The following PRDM16 variants were observed in gnomAD, a reference collection of about 807,000 sequenced individuals.
The protein encoded by PRDM16 is histone-lysine N-methyltransferase PRDM16.
In PRDM16, 23 loss-of-function variants were observed where a neutral mutation model predicts 110.6. The observed-to-expected ratio is 0.21, with a 90% CI of 0.15 to 0.29. The LOEUF (loss-of-function observed/expected upper bound fraction) is 0.29, where lower values mean the gene tolerates loss of function less well. PRDM16 is among the 10% of genes least tolerant of loss of function. PRDM16 has a pLI of 1.00. For synonymous variants in PRDM16, 799 were observed against 781.8 expected (o/e 1.02, Z -0.37); for missense variants, 1,615 against 1,794.3 (o/e 0.90, Z 1.81).
At chr1:3,202,744 G>A (rs1394058708) in intron 2 of PRDM16, among the ~76,000 whole-genome samples, 2 of 152,206 alleles carry the variant, frequency 1.3e-5, no homozygotes, top group Non-Finnish European at 2.9e-5. Flanking sequence ...TGGCACCACA[G>A]AAAGAGGAGG....
At chr1:3,312,338 C>G (rs1641481416) in intron 3 of PRDM16, among the ~76,000 whole-genome samples, 1 of 152,220 alleles carries the variant, frequency 6.6e-6, no homozygotes, top group Non-Finnish European at 1.5e-5. Context: ...GCAGCAGCCT[C>G]TCACTGGGCC....
intron 1 of PRDM16, among the ~76,000 whole-genome samples, chr1:3,146,095 C>T (rs1393775349): frequency 6.6e-6 from 1 of 152,210 alleles, no homozygotes; most frequent in Non-Finnish European, 1.5e-5. Flanking sequence ...TAGACACACC[C>T]CCACACACAG....
intron 3 of PRDM16, among the ~76,000 whole-genome samples, chr1:3,292,141 A>G (rs1224848727): frequency 1.3e-5 from 2 of 152,260 alleles, no homozygotes; most frequent in African/African-American, 4.8e-5. Flanking sequence ...GGTTGCACTG[A>G]CAACCTTGGG....
At chr1:3,267,013 T>C (rs2100270982) in intron 3 of PRDM16, among the ~76,000 whole-genome samples, 1 of 152,342 alleles carries the variant, frequency 6.6e-6, no homozygotes, top group Middle Eastern at 3.4e-3. Context: ...TTCTTTCTTT[T>C]CTTAAACCAG....
At chr1:3,394,343 C>T (rs1431780449) in intron 4 of PRDM16, 1 of 374,164 alleles carries the variant, frequency 2.7e-6, no homozygotes, top group South Asian at 1.8e-5. Flanking sequence ...CGGAGGGGGC[C>T]AGGCGGAGGA....
rs1455119284 is a variant in PRDM16, at chr1:3,326,412, G to T, written c.439-58740G>T. Among the ~76,000 whole-genome samples the T allele has an allele frequency of 9.8e-5, 15 of 152,326 alleles. 1 individual carries two copies. The highest frequency in any genetic ancestry group is 2.9e-4 in the African/African-American group (12 of 41,572). On this transcript the variant is annotated intron_variant, in intron 3 of 16. Transcript: ENST00000270722. ...AGATCACCTTTTAGGTTCTGTGAGG[G>T]CATGAATTTTAGGAGGAGCATGATT...
At chr1:3,103,125 G>T (rs932334852) in intron 1 of PRDM16, among the ~76,000 whole-genome samples, 69 of 152,314 alleles carry the variant, frequency 4.5e-4, no homozygotes, top group African/African-American at 1.6e-3. Flanking sequence ...GAGATGGGCA[G>T]CTCCATCTCC....
chr1:3,140,115 C>T (rs551579132), intron 1 of PRDM16, among the ~76,000 whole-genome samples: 2 of 152,370 alleles, frequency 1.3e-5, no homozygotes, highest in South Asian at 2.1e-4. Flanking sequence ...CTTTGGGAAG[C>T]GATCATTTCT....
intron 1 of PRDM16, among the ~76,000 whole-genome samples, chr1:3,182,082 C>A (rs1644217111): frequency 6.6e-6 from 1 of 152,258 alleles, no homozygotes; most frequent in African/African-American, 2.4e-5. Flanking sequence ...TGGGGGCCGC[C>A]CTTCCCTGCC....
At chr1:3,186,067 C>G in intron 1 of PRDM16, 58 bp from the exon 2 acceptor site, 2 of 1,436,808 alleles carry the variant, frequency 1.4e-6, no homozygotes, top group East Asian at 2.3e-5. Context: ...GCTCCCTGAG[C>G]TGTACACACT....
At chr1:3,305,265 C>T (rs1191014232) in intron 3 of PRDM16, among the ~76,000 whole-genome samples, 3 of 152,186 alleles carry the variant, frequency 2.0e-5, no homozygotes, top group African/African-American at 7.2e-5. Context: ...AAATGTCAGC[C>T]GCATCTCCGC....
At chr1:3,242,937 A>T (rs1192817581) in intron 2 of PRDM16, among the ~76,000 whole-genome samples, 1 of 152,194 alleles carries the variant, frequency 6.6e-6, no homozygotes, top group Non-Finnish European at 1.5e-5. Context: ...GGAAAAATCC[A>T]ATTTCTAGAG....
rs57408622 is a variant in PRDM16 at position 3,168,335 on chromosome 1, T to G, written c.38-17790T>G. On this transcript the variant is annotated intron_variant, in intron 1 of 16. Coordinates refer to ENST00000270722, the MANE Select transcript of PRDM16 (RefSeq NM_022114.4). Reference sequence around the variant, plus strand: ...CAGTGCCTCTGTGGCATCGCCCCCGTTCCCATGCAGCCATCCTCCTGCCCC... The same window carrying G: ...CAGTGCCTCTGTGGCATCGCCCCCGGTCCCATGCAGCCATCCTCCTGCCCC... 3.8e-5 allele frequency among the ~76,000 whole-genome samples: 3 copies of G among 79,844 alleles called. 1 individual carries two copies. The highest frequency in any genetic ancestry group is 1.1e-3 in the South Asian group (2 of 1,768). 52.4% of individuals were successfully genotyped at this position (79,844 alleles called of 152,430 possible). A position where few individuals can be genotyped will look rare whatever the true frequency, so the allele number is the denominator to read the frequency against.
intron 2 of PRDM16, among the ~76,000 whole-genome samples, chr1:3,194,091 C>T (rs181874754): frequency 6.6e-6 from 1 of 152,362 alleles, no homozygotes; most frequent in Admixed American, 6.5e-5. Context: ...GCCTGCATGT[C>T]CTGTCCGGCA....
chr1:3,437,861 T>C lies in PRDM16; in HGVS notation c.*4050T>C, dbSNP rs774890027. On this transcript the variant is annotated 3_prime_UTR_variant, in exon 17 of 17. Coordinates refer to ENST00000270722, the MANE Select transcript of PRDM16 (RefSeq NM_022114.4). ...CCTTCAGCGTCACGTGCATTGCCAC[T>C]GCGCTTTCGGCACGAGGGATGCTGA... 2.3e-5 allele frequency: 5 copies of C among 218,480 alleles called. No individual in the cohort carries two copies. Among genetic ancestry groups the C allele is most frequent in the Non-Finnish European group, 3.7e-5 (4 of 108,670 alleles). The allele number at this position is 218,480 out of a possible 1,614,324, so 13.5% of individuals were successfully genotyped here.
Position 3,069,844 on chromosome 1 carries a change from G to A in PRDM16, c.37+548G>A, listed in dbSNP as rs1468820190. On this transcript the variant is annotated intron_variant, in intron 1 of 16. Coordinates refer to ENST00000270722, the MANE Select transcript of PRDM16 (RefSeq NM_022114.4). This position sits in a 1 kb window ranked among gnomAD's most constrained non-coding sequence, Gnocchi z 6.1. ...GGAGGGAGACCCCGAGCCGGGGAGG[G>A]GCGGAGGAGGGGGCGCGGGCCGGCG... 6.6e-6 allele frequency among the ~76,000 whole-genome samples: 1 copy of A among 151,996 alleles called. No homozygotes were observed. The highest frequency in any genetic ancestry group is 2.4e-5 in the African/African-American group (1 of 41,426).
At chr1:3,361,044 G>A (rs1642704033) in intron 3 of PRDM16, among the ~76,000 whole-genome samples, 1 of 152,268 alleles carries the variant, frequency 6.6e-6, no homozygotes, top group Non-Finnish European at 1.5e-5. Context: ...AACGGCGGCA[G>A]TGTCTGCGGA....
chr1:3,293,960 T>C (rs1285216237), intron 3 of PRDM16, among the ~76,000 whole-genome samples: 1 of 152,192 alleles, frequency 6.6e-6, no homozygotes, highest in Non-Finnish European at 1.5e-5. Flanking sequence ...TGTGTGCATC[T>C]GTGAACATAT....
chr1:3,213,591 G>T lies in PRDM16; in HGVS notation c.387+27117G>T, dbSNP rs895853535. ...ACCTGGAACTCACTCTTTCTCCGAG[G>T]AACAGGAGCAAGTGCGGCATTCTGG... On this transcript the variant is annotated intron_variant, in intron 2 of 16. Coordinates refer to ENST00000270722, the MANE Select transcript of PRDM16 (RefSeq NM_022114.4). This position sits in a 1 kb window ranked among gnomAD's most constrained non-coding sequence, Gnocchi z 5.3. Among the ~76,000 whole-genome samples, 2 of 152,140 alleles carry T rather than the reference G, an allele frequency of 1.3e-5. No individual in the cohort carries two copies. The highest frequency in any genetic ancestry group is 2.9e-5 in the Non-Finnish European group (2 of 68,024).
Sources: gnomAD v4.1 joint callset for allele counts (sites outside exome capture counted in the v4.1 genomes callset) on GRCh38, gnomAD v4.1.1 for gene constraint, Gnocchi (gnomAD v3.1) non-coding constraint, MANE v1.5 for transcripts, NCBI Gene and HGNC (gene_info 2026-07-23, HGNC 2026-07-21) for gene names.